The following F11R variants were observed in gnomAD, a reference collection of about 807,000 sequenced individuals.
F11R encodes the protein F11 receptor.
A neutral mutation model predicts 39.3 loss-of-function variants in F11R; 27 were observed. That is an observed-to-expected ratio of 0.69 (90% CI 0.51 to 0.95). The LOEUF is 0.95. F11R is among the 40% of genes least tolerant of loss of function. The pLI is 0.00. For missense variants in F11R, 335 were observed against 372.7 expected (o/e 0.90, Z 0.83); for synonymous variants, 131 against 144.9 (o/e 0.90, Z 0.69).
chr1:161,000,457 C>T, intron 4 of F11R, 109 bp from the exon 5 acceptor site: 2 of 1,413,820 alleles, frequency 1.4e-6, no homozygotes, highest in African/African-American at 1.4e-5. Flanking sequence ...CTCCTACTCT[C>T]ACCATGCCCC....
chr1:161,015,661 A>G (rs1163680705), intron 1 of F11R, among the ~76,000 whole-genome samples: 1 of 150,830 alleles, frequency 6.6e-6, no homozygotes, highest in African/African-American at 2.4e-5. Flanking sequence ...ACAGAGTGAG[A>G]CCCTGTTTCA....
intron 1 of F11R, among the ~76,000 whole-genome samples, chr1:161,010,847 G>A (rs934065495): frequency 2.6e-5 from 4 of 151,246 alleles, no homozygotes; most frequent in South Asian, 2.1e-4. Context: ...TTAGCTGGGC[G>A]TGGTGGCAGG....
intron 1 of F11R, among the ~76,000 whole-genome samples, chr1:161,005,857 C>CT (rs1648771670): frequency 6.6e-6 from 1 of 151,942 alleles, no homozygotes; most frequent in African/African-American, 2.4e-5. Context: ...TGCTAATAGG[C>CT]TGGGCATGGC....
In F11R at chr1:160,999,855, GGCTCAAGCCCTAA is replaced by G; in HGVS notation, c.694+8_694+20del. 4 of 1,612,866 alleles carry G rather than the reference GGCTCAAGCCCTAA, an allele frequency of 2.5e-6. No individual in the cohort carries two copies. Among genetic ancestry groups the G allele is most frequent in the Non-Finnish European group, 3.4e-6 (4 of 1,179,000 alleles). ...GACCCCAATCCCCACCCCAGGTCTGGGCTCAAGCCCTAACTCTCACCAGCTTCCATGCGCACAG... is the reference window on the plus strand; with the variant it reads ...GACCCCAATCCCCACCCCAGGTCTGGCTCTCACCAGCTTCCATGCGCACAG... On this transcript the variant is annotated splice_region_variant and intron_variant, in intron 6 of 9. Coordinates refer to ENST00000368026, the MANE Select transcript of F11R (RefSeq NM_016946.6).
In F11R at chr1:161,003,201, G is replaced by A. The variant is rs1372939376; in HGVS notation, c.65-1848C>T. ...TGCAATGGCGCAATCTCGGCTCACC[G>A]CAACCTCCACCTTCCGGGTTCAAGG... On this transcript the variant is annotated intron_variant, in intron 1 of 9. Transcript: ENST00000368026. Among the ~76,000 whole-genome samples the A allele has an allele frequency of 5.5e-5, 8 of 146,322 alleles. No individual in the cohort carries two copies. In the East Asian group the frequency reaches 6.0e-4, roughly 11 times the overall value.
Position 160,998,292 on chromosome 1 carries a change from T to C in F11R, c.*579A>G, listed in dbSNP as rs542366232. The C allele has an allele frequency of 6.4e-6, 1 of 155,234 alleles. No homozygotes were observed. Among genetic ancestry groups the C allele is most frequent in the African/African-American group, 2.4e-5 (1 of 41,582 alleles). 9.6% of individuals were successfully genotyped at this position (155,234 alleles called of 1,614,324 possible). The stretch of plus-strand genomic sequence containing the variant: ...TTTCCACAGACACAGTCAATGTCAG[T>C]CAGCTTGTATTCAGGAGGACAGGGC... On this transcript the variant is annotated 3_prime_UTR_variant, in exon 10 of 10. Coordinates refer to ENST00000368026, the MANE Select transcript of F11R (RefSeq NM_016946.6).
chr1:161,000,909 T>C (rs1242848165), intron 3 of F11R, 111 bp downstream of exon 3: 1 of 1,474,132 alleles, frequency 6.8e-7, no homozygotes, highest in East Asian at 2.3e-5. Flanking sequence ...CCATGAGGAC[T>C]TCAGCCCCAG....
intron 1 of F11R, among the ~76,000 whole-genome samples, chr1:161,002,193 C>T (rs1381272723): frequency 2.1e-5 from 3 of 141,314 alleles, no homozygotes; most frequent in Non-Finnish European, 3.0e-5. Context: ...ACCCGGGAGG[C>T]GGAGATTGCA....
intron 1 of F11R, among the ~76,000 whole-genome samples, chr1:161,006,526 A>T (rs1333881202): frequency 6.6e-6 from 1 of 152,182 alleles, no homozygotes; most frequent in Admixed American, 6.5e-5. Flanking sequence ...CATCACATTC[A>T]CACCACACAT....
intron 1 of F11R, among the ~76,000 whole-genome samples, chr1:161,001,902 G>C (rs915908107): frequency 6.6e-6 from 1 of 152,128 alleles, no homozygotes; most frequent in Non-Finnish European, 1.5e-5. Flanking sequence ...ATGACAGATC[G>C]GCAAGACGTA....
At chr1:161,013,651 G>T (rs531911175) in intron 1 of F11R, among the ~76,000 whole-genome samples, 1 of 152,328 alleles carries the variant, frequency 6.6e-6, no homozygotes, top group African/African-American at 2.4e-5. Context: ...GCTCTGTGAG[G>T]CCAACAACAG....
chr1:161,020,861 G>A, intron 1 of F11R, 149 bp downstream of exon 1: 2 of 744,184 alleles, frequency 2.7e-6, no homozygotes, highest in Non-Finnish European at 4.7e-6. Flanking sequence ...GGTGAAAGAG[G>A]GACCAGCCAG....
At chr1:161,018,407 G>A (rs1174565297) in intron 1 of F11R, among the ~76,000 whole-genome samples, 3 of 152,146 alleles carry the variant, frequency 2.0e-5, no homozygotes, top group Non-Finnish European at 4.4e-5. Flanking sequence ...AAAAGCTCCT[G>A]CTTTTTGATT....
Position 161,021,120 on chromosome 1 carries a change from C to T in F11R, c.-47G>A. The T allele has an allele frequency of 1.9e-6, 3 of 1,544,762 alleles. No homozygotes were observed. Among genetic ancestry groups the T allele is most frequent in the Non-Finnish European group, 2.7e-6 (3 of 1,119,962 alleles). ...ACAGCCGCCGAAGGACTCCTGGGAA[C>T]AGACACAGCTCCGCGACTACAGCGA... On this transcript the variant is annotated 5_prime_UTR_variant, in exon 1 of 10. Transcript: ENST00000368026.
In F11R at chr1:160,998,675, T is replaced by A; in HGVS notation, c.*196A>T. On this transcript the variant is annotated 3_prime_UTR_variant, in exon 10 of 10. Transcript: ENST00000368026. Reference sequence around the variant, plus strand: ...CAAGTTCCAGGCCACTCAGCAGTGGTAGGAAAGGGAGGGAGGGCATGAAGG... The same window carrying A: ...CAAGTTCCAGGCCACTCAGCAGTGGAAGGAAAGGGAGGGAGGGCATGAAGG... 2 of 617,358 alleles carry A rather than the reference T, an allele frequency of 3.2e-6. No individual in the cohort carries two copies. The highest frequency in any genetic ancestry group is 5.8e-6 in the Non-Finnish European group (2 of 344,024). The allele number at this position is 617,358 out of a possible 1,614,324, so 38.2% of individuals were successfully genotyped here.
At position 160,998,457 on chromosome 1, in the gene F11R, C is replaced by T. The variant is rs937931999; in HGVS notation, c.*414G>A. 1.1e-5 allele frequency: 3 copies of T among 265,762 alleles called. No homozygotes were observed. Among genetic ancestry groups the T allele is most frequent in the Admixed American group, 5.0e-5 (1 of 20,128 alleles). 16.5% of individuals were successfully genotyped at this position (265,762 alleles called of 1,614,324 possible). ...CCGCTCTAGAACAGCTGGCCCTGGTCGTCAGTACACAAGGAAAGAGCCCAG... is the reference window on the plus strand; with the variant it reads ...CCGCTCTAGAACAGCTGGCCCTGGTTGTCAGTACACAAGGAAAGAGCCCAG... On this transcript the variant is annotated 3_prime_UTR_variant, in exon 10 of 10. Transcript: ENST00000368026.
intron 1 of F11R, among the ~76,000 whole-genome samples, chr1:161,020,526 G>C (rs1447015425): frequency 6.6e-6 from 1 of 152,244 alleles, no homozygotes; most frequent in East Asian, 1.9e-4. Context: ...AAAGCTAGGG[G>C]AAGAGACTTC....
At chr1:161,018,929 T>C (rs1649600516) in intron 1 of F11R, among the ~76,000 whole-genome samples, 1 of 152,172 alleles carries the variant, frequency 6.6e-6, no homozygotes, top group Non-Finnish European at 1.5e-5. Flanking sequence ...GGTGTTATCA[T>C]GACCTTCCAG....
At chr1:161,000,507 A>G in intron 4 of F11R, 124 bp downstream of exon 4, 1 of 1,462,858 alleles carries the variant, frequency 6.8e-7, no homozygotes. Context: ...CCTCTCTGGC[A>G]GCTCCAGGAC....
Sources: allele counts gnomAD v4.1 joint callset (sites outside exome capture counted in the v4.1 genomes callset), GRCh38; gene constraint gnomAD v4.1.1; transcripts MANE v1.5; gene names NCBI Gene and HGNC (gene_info 2026-07-23, HGNC 2026-07-21).